Variants in TTBK1 observed in about 807,000 individuals in gnomAD.
TTBK1 encodes the protein tau-tubulin kinase 1.
A neutral mutation model predicts 108.5 loss-of-function variants in TTBK1; 34 were observed. The observed-to-expected ratio is 0.31, with a 90% CI of 0.24 to 0.42. The LOEUF is 0.42. Among genes scored for constraint, TTBK1 ranks in the 10% least tolerant of loss-of-function variants. TTBK1 has a pLI of 1.00. For missense variants in TTBK1, 1,539 were observed against 1,826.0 expected (o/e 0.84, Z 2.86); for synonymous variants, 809 against 795.1 (o/e 1.02, Z -0.29).
chr6:43,246,815 G>A (rs373464038), intron 2 of TTBK1, 47 bp downstream of exon 2: 71 of 1,507,652 alleles, frequency 4.7e-5, no homozygotes, highest in Non-Finnish European at 6.0e-5. Context: ...CGGGGAGGGA[G>A]GCGAGGACCT....
chr6:43,275,755 T>TG (rs1303815980), intron 13 of TTBK1, among the ~76,000 whole-genome samples: 3 of 145,802 alleles, frequency 2.1e-5, no homozygotes, highest in African/African-American at 7.7e-5. Context: ...CTGAGGGCCC[T>TG]GGGGGTCACC....
At chr6:43,262,136 C>T (rs1370183160) in intron 12 of TTBK1, among the ~76,000 whole-genome samples, 1 of 152,116 alleles carries the variant, frequency 6.6e-6, no homozygotes, top group African/African-American at 2.4e-5. Context: ...AGGGTGGAAT[C>T]TGAGATGGGG....
At position 43,283,092 on chromosome 6, in the gene TTBK1, T is replaced by A; in HGVS notation, c.2352T>A (p.Pro784=). The A allele has an allele frequency of 6.3e-7, 1 of 1,582,852 alleles. No individual in the cohort carries two copies. Among genetic ancestry groups the A allele is most frequent in the Non-Finnish European group, 8.6e-7 (1 of 1,165,034 alleles). Residue 784 remains proline, a synonymous_variant, in exon 14 of 15, where the codon CCT becomes CCA. Transcript: ENST00000259750. This position sits in a 1 kb window ranked among gnomAD's most constrained non-coding sequence, Gnocchi z 8.1. Reference sequence around the variant, plus strand: ...TTGCCTTGGGGGAGGTGCTGGGGCCTCGTAGTGGCTCCAGCAGTGAGGGGA... The same window carrying A: ...TTGCCTTGGGGGAGGTGCTGGGGCCACGTAGTGGCTCCAGCAGTGAGGGGA... The part of the protein sequence containing the change: ...AAVALGEVLG[P]RSGSSSEGSE...
Position 43,259,075 on chromosome 6 carries a change from C to T in TTBK1, c.1054C>T (p.Arg352Trp). 1.2e-6 allele frequency: 2 copies of T among 1,613,852 alleles called. No homozygotes were observed. The highest frequency in any genetic ancestry group is 1.3e-5 in the African/African-American group (1 of 75,028). ...GACGCCAGTGCCTGGGGACCTGCTC[C>T]GGGAGAACACCGAGGATGTGCTACA... Reference protein sequence around the residue: ...NVTPVPGDLLRENTEDVLQGE... With the variant: ...NVTPVPGDLLWENTEDVLQGE... Residue 352 changes from arginine (R) to tryptophan (W), a missense_variant, in exon 11 of 15, where the codon CGG (arginine) becomes TGG (tryptophan). This residue lies in a region of TTBK1 where 277 missense variants were observed against 332.4 expected (regional missense o/e 0.83). Coordinates refer to ENST00000259750, the MANE Select transcript of TTBK1 (RefSeq NM_032538.3). The surrounding 1 kb of genome is among the most constrained non-coding windows in gnomAD (Gnocchi z 6.7).
rs1376024024 is a variant in TTBK1, at chr6:43,285,276, C to T, written c.3866C>T (p.Pro1289Leu). Residue 1289 changes from proline (P) to leucine (L), a missense_variant, in exon 15 of 15, where the codon CCC becomes CTC. Physicochemically the swap from Pro to Leu is moderately conservative, Grantham distance 98. Around this residue, in one of 5 missense-constraint regions of TTBK1, gnomAD observed 1,055 missense variants for 1,086.5 expected, o/e 0.97. Coordinates refer to ENST00000259750, the MANE Select transcript of TTBK1 (RefSeq NM_032538.3). This position sits in a 1 kb window ranked among gnomAD's most constrained non-coding sequence, Gnocchi z 4.7. ...ARAQPDGTPS[P>L]GGSKKGPRGK... ...GCCCAGCCTGATGGCACCCCCTCCC[C>T]CGGGGGCTCCAAGAAAGGACCCAGA... 9 of 1,292,998 alleles carry T rather than the reference C, an allele frequency of 7.0e-6. No homozygotes were observed. The African/African-American group carries it at 1.4e-4, about 20-fold the overall frequency. 80.1% of individuals were successfully genotyped at this position (1,292,998 alleles called of 1,614,324 possible).
Position 43,259,743 on chromosome 6 carries a change from G to T in TTBK1, c.1424+37G>T. ...GCCAGGGGCATGGTTGGGGCCCAAGGCCCTCTCCGCCTTCACGTGGCTGGT... is the reference window on the plus strand; with the variant it reads ...GCCAGGGGCATGGTTGGGGCCCAAGTCCCTCTCCGCCTTCACGTGGCTGGT... On this transcript the variant is annotated intron_variant, in intron 12 of 14. Transcript: ENST00000259750. The surrounding 1 kb of genome is among the most constrained non-coding windows in gnomAD (Gnocchi z 6.7). 1.3e-6 allele frequency: 2 copies of T among 1,501,590 alleles called. No individual in the cohort carries two copies. The allele number at this position is 1,501,590 out of a possible 1,614,324, so 93.0% of individuals were successfully genotyped here.
Position 43,273,736 on chromosome 6 carries a change from T to C in TTBK1, c.1987-8991T>C, listed in dbSNP as rs1225651681. Among the ~76,000 whole-genome samples the C allele has an allele frequency of 1.3e-5, 2 of 152,246 alleles. No homozygotes were observed. Among genetic ancestry groups the C allele is most frequent in the African/African-American group, 4.8e-5 (2 of 41,468 alleles). On this transcript the variant is annotated intron_variant, in intron 13 of 14. Coordinates refer to ENST00000259750, the MANE Select transcript of TTBK1 (RefSeq NM_032538.3). This position sits in a 1 kb window ranked among gnomAD's most constrained non-coding sequence, Gnocchi z 4.2. ...GCTCAACCAATTGTTGCCACTATCT[T>C]CTAATTTTTATTTGAAATCTCCCAA...
chr6:43,270,747 AAGGC>A, intron 13 of TTBK1: 1 of 985,416 alleles, frequency 1.0e-6, no homozygotes, highest in Non-Finnish European at 1.2e-6. Context: ...TCCACCTCCC[AAGGC>A]AGGCTGGAAC....
In TTBK1 at chr6:43,285,413, C is replaced by A; in HGVS notation, c.*37C>A. 1 of 1,252,366 alleles carries A rather than the reference C, an allele frequency of 8.0e-7. No individual in the cohort carries two copies. The highest frequency in any genetic ancestry group is 3.5e-5 in the South Asian group (1 of 28,946). 77.6% of individuals were successfully genotyped at this position (1,252,366 alleles called of 1,614,324 possible). A position where few individuals can be genotyped will look rare whatever the true frequency, so the allele number is the denominator to read the frequency against. On this transcript the variant is annotated 3_prime_UTR_variant, in exon 15 of 15. Transcript: ENST00000259750. This position sits in a 1 kb window ranked among gnomAD's most constrained non-coding sequence, Gnocchi z 4.7. ...GCTCTCCGCGGTCCCCCACCCTCACCCCGGCCCCCCACCCGCAGCCGGCCA... is the reference window on the plus strand; with the variant it reads ...GCTCTCCGCGGTCCCCCACCCTCACACCGGCCCCCCACCCGCAGCCGGCCA...
intron 13 of TTBK1, among the ~76,000 whole-genome samples, chr6:43,279,902 C>T (rs187883941): frequency 6.6e-6 from 1 of 151,448 alleles, no homozygotes; most frequent in East Asian, 1.9e-4. Flanking sequence ...CGTGCACAAC[C>T]ACGCCCAGCT....
Position 43,253,272 on chromosome 6 carries a change from CTA to C in TTBK1, c.257-17_257-16del. ...GAAGAAAGAGTAAGAGCTGGAAGAC[CTA>C]TGTCTGTGCCCCTCAGGGAAGGACC... On this transcript the variant is annotated splice_polypyrimidine_tract_variant and intron_variant, in intron 3 of 14. Transcript: ENST00000259750. This position sits in a 1 kb window ranked among gnomAD's most constrained non-coding sequence, Gnocchi z 5.8. The C allele has an allele frequency of 6.2e-7, 1 of 1,613,824 alleles. No homozygotes were observed. Among genetic ancestry groups the C allele is most frequent in the Non-Finnish European group, 8.5e-7 (1 of 1,179,764 alleles).
At chr6:43,249,646 G>A (rs889407595) in intron 2 of TTBK1, among the ~76,000 whole-genome samples, 3 of 151,192 alleles carry the variant, frequency 2.0e-5, no homozygotes, top group South Asian at 2.1e-4. Context: ...ATGAGATCTC[G>A]GCTCACTGCA....
chr6:43,274,263 G>A (rs150874271), intron 13 of TTBK1, among the ~76,000 whole-genome samples: 1 of 152,194 alleles, frequency 6.6e-6, no homozygotes, highest in African/African-American at 2.4e-5. Context: ...CAGTTTTGGG[G>A]AAAACAGACA....
Position 43,252,898 on chromosome 6 carries a change from G to C in TTBK1, c.256+12G>C, listed in dbSNP as rs1240691876. ...CAAGAAGTTGCAAGGTTCGGGCCTC[G>C]GGCAGGGGGATGGGAAGGAAGAGAT... On this transcript the variant is annotated intron_variant, in intron 3 of 14. Transcript: ENST00000259750. 4 of 1,612,646 alleles carry C rather than the reference G, an allele frequency of 2.5e-6. No homozygotes were observed. The South Asian group carries it at 4.4e-5, about 18-fold the overall frequency.
chr6:43,251,450 G>T (rs1205846051), intron 2 of TTBK1, among the ~76,000 whole-genome samples: 1 of 152,072 alleles, frequency 6.6e-6, no homozygotes, highest in Non-Finnish European at 1.5e-5. Flanking sequence ...TCTTTTTTCA[G>T]TGGACCTCCT....
intron 13 of TTBK1, among the ~76,000 whole-genome samples, chr6:43,280,665 G>C (rs1778131223): frequency 6.6e-6 from 1 of 152,150 alleles, no homozygotes; most frequent in African/African-American, 2.4e-5. Context: ...TCAGGAGAGG[G>C]AACCCTATAA....
intron 13 of TTBK1, among the ~76,000 whole-genome samples, chr6:43,266,677 C>T (rs894440331): frequency 8.6e-5 from 13 of 151,670 alleles, no homozygotes; most frequent in African/African-American, 2.2e-4. Context: ...AGTGCAATGG[C>T]GTGATCTCGG....
At chr6:43,254,733 C>T in intron 6 of TTBK1, 82 bp downstream of exon 6, 1 of 1,324,348 alleles carries the variant, frequency 7.6e-7, no homozygotes. Context: ...ACTTTTCTTA[C>T]AGCTGCCTAA....
rs200164651 is a variant in TTBK1 at position 43,284,093 on chromosome 6, G to T, written c.3353G>T (p.Arg1118Leu). The change falls in exon 14 of 15, where the codon CGC becomes CTC. Residue 1118 changes from arginine to leucine, a missense_variant. This residue lies in a region of TTBK1 where 1,055 missense variants were observed against 1,086.5 expected (regional missense o/e 0.97). Coordinates refer to ENST00000259750, the MANE Select transcript of TTBK1 (RefSeq NM_032538.3). The part of the protein sequence containing the change: ...GASSSSSEEQ[R>L]RASETLSGTG... ...TCGTCCTCCTCCAGTGAGGAGCAGC[G>T]CCGTGCCTCTGAGACCCTCTCAGGC... is the stretch of plus-strand genomic sequence containing the variant. 1 of 1,540,088 alleles carries T rather than the reference G, an allele frequency of 6.5e-7. No individual in the cohort carries two copies.
Sources: gnomAD v4.1 joint callset for allele counts (sites outside exome capture counted in the v4.1 genomes callset) on GRCh38, gnomAD v4.1.1 for gene constraint, gnomAD v4.1.1 regional missense constraint, Gnocchi (gnomAD v3.1) non-coding constraint, MANE v1.5 for transcripts, NCBI Gene and HGNC (gene_info 2026-07-23, HGNC 2026-07-21) for gene names.